ASCC3: variants seen among roughly 807,000 people sequenced by gnomAD.
ASCC3 encodes the protein activating signal cointegrator 1 complex subunit 3.
A neutral mutation model predicts 256.3 loss-of-function variants in ASCC3; 158 were observed. The observed-to-expected ratio is 0.62, with a 90% confidence interval of 0.54 to 0.70. The LOEUF is 0.70. Ranked by LOEUF, ASCC3 falls within the 30% of genes least tolerant of loss-of-function variation. The pLI, the probability that ASCC3 is intolerant of heterozygous loss-of-function variation, is 0.00. For synonymous variants in ASCC3, 948 were observed against 883.4 expected (o/e 1.07, Z -1.30); for missense variants, 2,259 against 2,626.0 (o/e 0.86, Z 3.05).
chr6:100,593,994 AT>A (rs1772142800), intron 34 of ASCC3, among the ~76,000 whole-genome samples: 1 of 152,058 alleles, frequency 6.6e-6, no homozygotes, highest in Admixed American at 6.6e-5. Flanking sequence ...AATTATCTTT[AT>A]ATGCATATAT....
intron 13 of ASCC3, among the ~76,000 whole-genome samples, chr6:100,694,147 GAA>G (rs200960281): frequency 0.015 from 2,268 of 151,868 alleles, 50 homozygotes; most frequent in African/African-American, 0.051. Context: ...ATATTTTTGG[GAA>G]AAAAATTGGT....
At chr6:100,670,644 C>T (rs1406411502) in intron 14 of ASCC3, among the ~76,000 whole-genome samples, 2 of 146,236 alleles carry the variant, frequency 1.4e-5, no homozygotes, top group Non-Finnish European at 3.0e-5. Flanking sequence ...TTTTTTTCCC[C>T]CCCAAATTCT....
chr6:100,652,642 T>C (rs925790777), intron 18 of ASCC3, 83 bp downstream of exon 18: 7 of 1,364,232 alleles, frequency 5.1e-6, no homozygotes, highest in Non-Finnish European at 7.2e-6. Context: ...TTATTTGCTT[T>C]CATTATTTTA....
intron 4 of ASCC3, 70 bp from the exon 5 acceptor site, chr6:100,805,950 C>T: frequency 6.7e-7 from 1 of 1,487,264 alleles, no homozygotes; most frequent in Non-Finnish European, 9.2e-7. Flanking sequence ...TTATTAACAA[C>T]CTATTCAACA....
chr6:100,812,823 G>A (rs555396421), intron 4 of ASCC3, among the ~76,000 whole-genome samples: 10 of 151,878 alleles, frequency 6.6e-5, no homozygotes, highest in Non-Finnish European at 8.8e-5. Flanking sequence ...TCAGCTACTC[G>A]GAAAGCTGAG....
At chr6:100,781,370 CTT>C (rs1782441136) in intron 8 of ASCC3, among the ~76,000 whole-genome samples, 1 of 151,952 alleles carries the variant, frequency 6.6e-6, no homozygotes, top group African/African-American at 2.4e-5. Flanking sequence ...TCGTGGTACA[CTT>C]GTTTTTTTGT....
chr6:100,817,367 T>C (rs1018615060), intron 4 of ASCC3, among the ~76,000 whole-genome samples: 5 of 149,816 alleles, frequency 3.3e-5, no homozygotes, highest in Admixed American at 6.7e-5. Flanking sequence ...CTTAAGACAC[T>C]GGAAAAGGAA....
intron 30 of ASCC3, among the ~76,000 whole-genome samples, chr6:100,623,160 C>G (rs1774047962): frequency 6.6e-6 from 1 of 152,056 alleles, no homozygotes; most frequent in South Asian, 2.1e-4. Context: ...CTACCTTAGA[C>G]ACAACAGGAT....
At chr6:100,871,786 T>C (rs980321037) in intron 1 of ASCC3, among the ~76,000 whole-genome samples, 1 of 152,178 alleles carries the variant, frequency 6.6e-6, no homozygotes, top group African/African-American at 2.4e-5. Flanking sequence ...GCCTGGCTCC[T>C]ACCAGCCTTT....
chr6:100,661,044 G>A (rs991709241), intron 16 of ASCC3, among the ~76,000 whole-genome samples: 26 of 151,546 alleles, frequency 1.7e-4, no homozygotes, highest in African/African-American at 6.3e-4. Context: ...TACAAAATAA[G>A]TAGTATTTGA....
At chr6:100,581,232 C>T (rs1771233541) in intron 36 of ASCC3, among the ~76,000 whole-genome samples, 1 of 152,216 alleles carries the variant, frequency 6.6e-6, no homozygotes, top group Non-Finnish European at 1.5e-5. Flanking sequence ...TCCACATGTT[C>T]TCCAGCACCT....
chr6:100,542,342 A>G (rs1775501100), intron 36 of ASCC3, among the ~76,000 whole-genome samples: 1 of 152,224 alleles, frequency 6.6e-6, no homozygotes, highest in Admixed American at 6.5e-5. Flanking sequence ...ATCAGAAATA[A>G]TGCCATAAGG....
intron 5 of ASCC3, among the ~76,000 whole-genome samples, chr6:100,802,408 T>C (rs1039051413): frequency 2.0e-5 from 3 of 152,146 alleles, no homozygotes; most frequent in East Asian, 3.9e-4. Context: ...TCTGCCATGA[T>C]TGGAAGCTTC....
intron 36 of ASCC3, among the ~76,000 whole-genome samples, chr6:100,564,278 C>T (rs191560416): frequency 2.0e-5 from 3 of 151,904 alleles, no homozygotes; most frequent in Admixed American, 6.6e-5. Context: ...ATAATAGTCA[C>T]TCTACTGAGC....
At chr6:100,798,568 T>A in intron 8 of ASCC3, 145 bp downstream of exon 8, 1 of 1,178,822 alleles carries the variant, frequency 8.5e-7, no homozygotes, top group Non-Finnish European at 1.2e-6. Flanking sequence ...TAAACTCTCC[T>A]ACTGTAATTC....
At position 100,767,198 on chromosome 6, in the gene ASCC3, G is replaced by A; in HGVS notation, c.1543C>T (p.His515Tyr). ...TGTTGAAAATGTTGGCGAATTTCATGCAAGACTGTCAGCATTGCAATGTTG... is the reference window on the plus strand; with the variant it reads ...TGTTGAAAATGTTGGCGAATTTCATACAAGACTGTCAGCATTGCAATGTTG... ...KTNIAMLTVL[H>Y]EIRQHFQQGV... Residue 515 changes from histidine to tyrosine, a missense_variant, in exon 9 of 42, where the codon CAT becomes TAT. His to Tyr is a moderately conservative substitution (Grantham distance 83). Around this residue, in one of 2 missense-constraint regions of ASCC3, gnomAD observed 1,839 missense variants for 2,206.7 expected, o/e 0.83. Coordinates refer to ENST00000369162, the MANE Select transcript of ASCC3 (RefSeq NM_006828.4). The A allele has an allele frequency of 6.2e-7, 1 of 1,614,050 alleles. No homozygotes were observed. Among genetic ancestry groups the A allele is most frequent in the Non-Finnish European group, 8.5e-7 (1 of 1,180,000 alleles).
intron 36 of ASCC3, among the ~76,000 whole-genome samples, chr6:100,569,770 T>C (rs1350316189): frequency 1.3e-5 from 2 of 152,164 alleles, no homozygotes; most frequent in Non-Finnish European, 2.9e-5. Context: ...TTTGCCCTCT[T>C]TTTTGGTTCT....
chr6:100,820,779 T>C (rs1048782921), intron 4 of ASCC3, among the ~76,000 whole-genome samples: 4 of 151,964 alleles, frequency 2.6e-5, no homozygotes, highest in Non-Finnish European at 5.9e-5. Flanking sequence ...TGAACTCTTA[T>C]AACTCAGTAA....
intron 8 of ASCC3, among the ~76,000 whole-genome samples, chr6:100,786,795 C>G (rs898708307): frequency 1.3e-5 from 2 of 152,110 alleles, no homozygotes; most frequent in Non-Finnish European, 2.9e-5. Context: ...GGCTACAACA[C>G]TTTGAAACCG....
Sources: gnomAD v4.1 joint callset for allele counts (sites outside exome capture counted in the v4.1 genomes callset) on GRCh38, gnomAD v4.1.1 for gene constraint, gnomAD v4.1.1 regional missense constraint, MANE v1.5 for transcripts, NCBI Gene and HGNC (gene_info 2026-07-23, HGNC 2026-07-21) for gene names.